The following ZNF804B variants were observed in gnomAD, a reference collection of about 807,000 sequenced individuals.
ZNF804B encodes the protein zinc finger 804B.
ZNF804B carries 80 observed loss-of-function variants against 101.4 expected under a neutral mutation model. The ratio of observed to expected loss-of-function variants is 0.79; its 90% confidence interval spans 0.66 to 0.95. ZNF804B has a LOEUF of 0.95. ZNF804B is among the 40% of genes least tolerant of loss of function. The probability of loss-of-function intolerance (pLI) is 0.00; values close to 1 mark genes in which losing one functional copy is unlikely to be tolerated. For missense variants in ZNF804B, 1,673 were observed against 1,561.9 expected, an observed-to-expected ratio of 1.07 and a Z score of -1.20; for synonymous variants, 622 against 558.8, an observed-to-expected ratio of 1.11 and a Z score of -1.59.
In ZNF804B at chr7:88,884,756, T is replaced by A. The variant is rs185494259; in HGVS notation, c.108+124672T>A. Among the ~76,000 whole-genome samples, 580 of 151,938 alleles carry A rather than the reference T, an allele frequency of 3.8e-3. 3 individuals are homozygous for A. Among genetic ancestry groups the A allele is most frequent in the African/African-American group, 0.013 (557 of 41,544 alleles). On this transcript the variant is annotated intron_variant, in intron 1 of 3. Coordinates refer to ENST00000333190, the MANE Select transcript of ZNF804B (RefSeq NM_181646.5). ...AACATGTTTTCATGCTCTTTTGTCT[T>A]AAAAAAATTAAAGCTTATGAGAAAA...
intron 1 of ZNF804B, among the ~76,000 whole-genome samples, chr7:88,768,672 A>T (rs990493571): frequency 6.6e-6 from 1 of 152,228 alleles, no homozygotes; most frequent in African/African-American, 2.4e-5. Flanking sequence ...GAGCCGAGAT[A>T]GCACCACTGC....
chr7:89,118,771 T>G (rs1790354774), intron 1 of ZNF804B, among the ~76,000 whole-genome samples: 1 of 152,176 alleles, frequency 6.6e-6, no homozygotes, highest in African/African-American at 2.4e-5. Flanking sequence ...GTATTAAAAC[T>G]TCGAGTTCTC....
chr7:89,136,934 G>T (rs1305115208), intron 1 of ZNF804B, among the ~76,000 whole-genome samples: 1 of 151,996 alleles, frequency 6.6e-6, no homozygotes, highest in Non-Finnish European at 1.5e-5. Flanking sequence ...GCTTTGTGAG[G>T]CAGAGCTTCC....
chr7:89,294,676 C>G (rs890635526), intron 2 of ZNF804B, among the ~76,000 whole-genome samples: 4 of 151,752 alleles, frequency 2.6e-5, no homozygotes, highest in Non-Finnish European at 5.9e-5. Flanking sequence ...TCTGTTATTT[C>G]CTTTTATCAC....
chr7:88,836,690 A>G (rs17164636), intron 1 of ZNF804B, among the ~76,000 whole-genome samples: 3,924 of 151,968 alleles, frequency 0.026, 134 homozygotes, highest in African/African-American at 0.073. Flanking sequence ...GAGGGTCTCT[A>G]TGCAGATTTC....
intron 1 of ZNF804B, among the ~76,000 whole-genome samples, chr7:88,843,990 T>C (rs995933889): frequency 5.9e-5 from 9 of 152,132 alleles, no homozygotes; most frequent in African/African-American, 2.2e-4. Context: ...TGTTTTTTAA[T>C]ATGAAAATGT....
chr7:89,208,197 T>G (rs1401170701), intron 1 of ZNF804B, among the ~76,000 whole-genome samples: 1 of 150,508 alleles, frequency 6.6e-6, no homozygotes, highest in Non-Finnish European at 1.5e-5. Context: ...TTCTCCTGCC[T>G]CAGCCTCCCG....
At chr7:88,945,651 T>C (rs1793117748) in intron 1 of ZNF804B, among the ~76,000 whole-genome samples, 2 of 151,942 alleles carry the variant, frequency 1.3e-5, no homozygotes, top group Non-Finnish European at 2.9e-5. Context: ...CTTGATGGGG[T>C]TAGCATTAAA....
At chr7:88,942,526 G>GTGTGTGTA (rs1554348170) in intron 1 of ZNF804B, among the ~76,000 whole-genome samples, 2 of 148,916 alleles carry the variant, frequency 1.3e-5, no homozygotes, top group Admixed American at 6.7e-5. Flanking sequence ...GTGTGTGTGT[G>GTGTGTGTA]TGTGTTTTGC....
intron 1 of ZNF804B, among the ~76,000 whole-genome samples, chr7:88,999,781 TTTGGCTG>T (rs2116169332): frequency 6.6e-6 from 1 of 152,116 alleles, no homozygotes; most frequent in South Asian, 2.1e-4. Context: ...AGAAGCAAAG[TTTGGCTG>T]TGTGTATTTT....
chr7:88,888,938 C>T (rs1028487187), intron 1 of ZNF804B, among the ~76,000 whole-genome samples: 5 of 152,180 alleles, frequency 3.3e-5, no homozygotes, highest in Non-Finnish European at 5.9e-5. Context: ...CCCTTGCCCT[C>T]TTCCTCTCTC....
At chr7:89,274,926 T>G (rs1188998208) in intron 2 of ZNF804B, among the ~76,000 whole-genome samples, 1 of 151,896 alleles carries the variant, frequency 6.6e-6, no homozygotes, top group African/African-American at 2.4e-5. Context: ...GTCCTCTCAC[T>G]TCTATCCTTA....
Position 89,302,350 on chromosome 7 carries a change from G to A in ZNF804B, c.250-24994G>A, listed in dbSNP as rs185205736. On this transcript the variant is annotated intron_variant, in intron 2 of 3. Coordinates refer to ENST00000333190, the MANE Select transcript of ZNF804B (RefSeq NM_181646.5). ...CTCCAACCCTGTCACAGCTATCGGG[G>A]ACATGGATGGACCCTTGGTGTTAGT... 6.3e-4 allele frequency among the ~76,000 whole-genome samples: 96 copies of A among 151,970 alleles called. No individual in the cohort carries two copies. The East Asian group carries it at 0.014, about 22-fold the overall frequency.
At chr7:89,146,464 C>T (rs924269910) in intron 1 of ZNF804B, among the ~76,000 whole-genome samples, 10 of 151,942 alleles carry the variant, frequency 6.6e-5, no homozygotes, top group Non-Finnish European at 1.5e-4. Context: ...GAAGTAGCTT[C>T]CCTGTTAGAG....
intron 1 of ZNF804B, among the ~76,000 whole-genome samples, chr7:88,833,271 C>G (rs952544822): frequency 6.6e-6 from 1 of 151,702 alleles, no homozygotes; most frequent in Non-Finnish European, 1.5e-5. Flanking sequence ...TTTCTAACTT[C>G]AGAATATTTG....
At chr7:89,269,327 C>T (rs186075529) in intron 2 of ZNF804B, among the ~76,000 whole-genome samples, 204 of 152,038 alleles carry the variant, frequency 1.3e-3, no homozygotes, top group Middle Eastern at 6.8e-3. Flanking sequence ...GGTTTTTTGT[C>T]CTTGTGATAG....
chr7:89,268,663 G>C (rs896640184), intron 2 of ZNF804B, among the ~76,000 whole-genome samples: 2 of 148,212 alleles, frequency 1.3e-5, no homozygotes, highest in Non-Finnish European at 3.0e-5. Context: ...CCTTCACGCA[G>C]CTCGGGTGTG....
intron 1 of ZNF804B, among the ~76,000 whole-genome samples, chr7:88,813,303 T>C (rs573933907): frequency 6.6e-6 from 1 of 151,520 alleles, no homozygotes; most frequent in East Asian, 1.9e-4. Context: ...GGCGGGCGCA[T>C]GTAGTCCCAG....
In ZNF804B at chr7:89,220,063, G is replaced by GCA. The variant is rs1355178271; in HGVS notation, c.249+1771_249+1772dup. ...TATATGTGCATATATACATATATAC[G>GCA]CACATATATGTGTATATACATATAT... On this transcript the variant is annotated intron_variant, in intron 2 of 3. Transcript: ENST00000333190. Among the ~76,000 whole-genome samples the GCA allele has an allele frequency of 4.2e-3, 426 of 100,392 alleles. 81 individuals are homozygous for GCA. Among genetic ancestry groups the GCA allele is most frequent in the African/African-American group, 0.013 (310 of 23,314 alleles). The allele number at this position is 100,392 out of a possible 152,430, so 65.9% of individuals were successfully genotyped here.
Sources: allele counts gnomAD v4.1 joint callset (sites outside exome capture counted in the v4.1 genomes callset), GRCh38; gene constraint gnomAD v4.1.1; transcripts MANE v1.5; gene names NCBI Gene and HGNC (gene_info 2026-07-23, HGNC 2026-07-21).